Variants in PPM1B observed in about 807,000 individuals in gnomAD.
PPM1B encodes the protein protein phosphatase, Mg2+/Mn2+ dependent 1B.
Under a neutral mutation model 43.0 loss-of-function variants are expected in PPM1B, and 22 were observed. The ratio of observed to expected loss-of-function variants is 0.51; its 90% CI spans 0.37 to 0.73. The LOEUF (loss-of-function observed/expected upper bound fraction) is 0.73, where lower values mean the gene tolerates loss of function less well. Ranked by LOEUF, PPM1B falls within the 30% of genes least tolerant of loss-of-function variation. The pLI is 0.00. For synonymous variants in PPM1B, 217 were observed against 197.9 expected, an observed-to-expected ratio of 1.10 and a Z score of -0.81; for missense variants, 632 against 584.2, an observed-to-expected ratio of 1.08 and a Z score of -0.84.
At chr2:44,199,921 G>C (rs548245760) in intron 1 of PPM1B, among the ~76,000 whole-genome samples, 1 of 152,120 alleles carries the variant, frequency 6.6e-6, no homozygotes, top group African/African-American at 2.4e-5. Context: ...TTATTGTAAA[G>C]TTCAATAATG....
chr2:44,209,109 C>G, intron 2 of PPM1B, 101 bp from the exon 3 acceptor site: 2 of 1,070,740 alleles, frequency 1.9e-6, no homozygotes, highest in Admixed American at 3.1e-5. Context: ...CATAAACGTT[C>G]TGGATGATTA....
At chr2:44,196,777 T>A (rs1668681925) in intron 1 of PPM1B, among the ~76,000 whole-genome samples, 2 of 152,200 alleles carry the variant, frequency 1.3e-5, no homozygotes, top group African/African-American at 2.4e-5. Flanking sequence ...GTTTATCCAT[T>A]AAAAAAGAAA....
At chr2:44,233,881 A>C, downstream of PPM1B, 1 of 985,464 alleles carries the variant, frequency 1.0e-6, no homozygotes. Context: ...TTGTCCCTTT[A>C]CTGGGTTTGG....
At chr2:44,244,665 C>T (rs1485068483), downstream of PPM1B, among the ~76,000 whole-genome samples, 1 of 151,810 alleles carries the variant, frequency 6.6e-6, no homozygotes, top group Non-Finnish European at 1.5e-5. Context: ...ATTCCCAGAT[C>T]TCTTCTGAAA....
At chr2:44,191,744 C>T (rs746737101) in intron 1 of PPM1B, among the ~76,000 whole-genome samples, 5 of 152,094 alleles carry the variant, frequency 3.3e-5, no homozygotes, top group Admixed American at 6.6e-5. Flanking sequence ...AAATTATATG[C>T]ATTTTTATTC....
chr2:44,217,084 G>A (rs767759779), intron 3 of PPM1B, among the ~76,000 whole-genome samples: 3 of 151,664 alleles, frequency 2.0e-5, no homozygotes, highest in Admixed American at 6.6e-5. Flanking sequence ...GTCTTGTGAG[G>A]CATGGTAAAC....
chr2:44,218,028 G>A lies in PPM1B; in HGVS notation c.1026G>A (p.Leu342=). ...ATCTTGCCCATGTCATGCGCATCTT[G>A]TCTGCAGAAAATATCCCAAATTTGC... ...MPDLAHVMRI[L]SAENIPNLPP... The change falls in exon 4 of 6, where the codon TTG becomes TTA. Residue 342 remains leucine, a synonymous_variant. Transcript: ENST00000282412. 6.2e-7 allele frequency: 1 copy of A among 1,613,154 alleles called. No homozygotes were observed. Among genetic ancestry groups the A allele is most frequent in the Non-Finnish European group, 8.5e-7 (1 of 1,179,750 alleles).
intron 3 of PPM1B, among the ~76,000 whole-genome samples, chr2:44,216,683 T>C (rs555479108): frequency 6.6e-6 from 1 of 152,292 alleles, no homozygotes; most frequent in Admixed American, 6.5e-5. Flanking sequence ...ATCCCAGCAT[T>C]TTGAGAGGCT....
At chr2:44,208,040 C>T (rs1365132808) in intron 2 of PPM1B, among the ~76,000 whole-genome samples, 1 of 151,812 alleles carries the variant, frequency 6.6e-6, no homozygotes, top group African/African-American at 2.4e-5. Flanking sequence ...AGGTGCGCGC[C>T]ACCACGCCTG....
chr2:44,191,486 T>C (rs1047298995), intron 1 of PPM1B, among the ~76,000 whole-genome samples: 1 of 152,234 alleles, frequency 6.6e-6, no homozygotes, highest in Non-Finnish European at 1.5e-5. Flanking sequence ...AGTGCTGGGA[T>C]TACAGGCGTG....
intron 5 of PPM1B, among the ~76,000 whole-genome samples, chr2:44,226,452 T>G (rs1670213221): frequency 6.6e-6 from 1 of 152,186 alleles, no homozygotes. Context: ...TCCAACCTTA[T>G]TAATAAGTCC....
chr2:44,228,361 A>G (rs1338092869), intron 5 of PPM1B, among the ~76,000 whole-genome samples: 3 of 151,766 alleles, frequency 2.0e-5, no homozygotes, highest in Admixed American at 6.6e-5. Flanking sequence ...TTTTGTAGAG[A>G]TAGGGTCTCA....
chr2:44,176,414 C>T (rs531141166), intron 1 of PPM1B, among the ~76,000 whole-genome samples: 86 of 152,324 alleles, frequency 5.6e-4, no homozygotes, highest in East Asian at 1.9e-3. Flanking sequence ...CTTTTGTGCT[C>T]TTAGCAAAGA....
rs527514324 is a variant in PPM1B, at chr2:44,185,453, C to T, written c.-14-15733C>T. On this transcript the variant is annotated intron_variant, in intron 1 of 5. Transcript: ENST00000282412. Reference sequence around the variant, plus strand: ...GATTTTTTTTCTCAGATTAAATTTGCGACTAAAGCAAAATACCACTGTCAA... The same window carrying T: ...GATTTTTTTTCTCAGATTAAATTTGTGACTAAAGCAAAATACCACTGTCAA... Among the ~76,000 whole-genome samples, 133 of 152,136 alleles carry T rather than the reference C, an allele frequency of 8.7e-4. 1 individual carries two copies. The South Asian group carries it at 0.025, about 29-fold the overall frequency.
At chr2:44,246,468 A>G (rs1670855315), downstream of PPM1B, among the ~76,000 whole-genome samples, 1 of 152,174 alleles carries the variant, frequency 6.6e-6, no homozygotes, top group Non-Finnish European at 1.5e-5. Context: ...TAAACCTCCC[A>G]TACTGAATGA....
intron 1 of PPM1B, among the ~76,000 whole-genome samples, chr2:44,194,495 G>A (rs1311018484): frequency 6.6e-5 from 10 of 152,026 alleles, no homozygotes; most frequent in East Asian, 2.0e-4. Flanking sequence ...AGGCCGAGGC[G>A]GGCGGATCAC....
At chr2:44,216,436 G>A (rs1051438173) in intron 3 of PPM1B, among the ~76,000 whole-genome samples, 1 of 152,062 alleles carries the variant, frequency 6.6e-6, no homozygotes, top group African/African-American at 2.4e-5. Flanking sequence ...ACAGATTTAA[G>A]GTAGAAAACT....
intron 1 of PPM1B, among the ~76,000 whole-genome samples, chr2:44,174,992 C>A (rs148956999): frequency 6.6e-6 from 1 of 152,184 alleles, no homozygotes. Flanking sequence ...TGGTGGCTCA[C>A]GCCTATAATC....
chr2:44,177,473 T>C (rs1667635823), intron 1 of PPM1B, among the ~76,000 whole-genome samples: 2 of 146,358 alleles, frequency 1.4e-5, no homozygotes, highest in Admixed American at 1.4e-4. Flanking sequence ...GGCTGGAGTG[T>C]AGTGGCATGA....
Sources: gnomAD v4.1 joint callset for allele counts (sites outside exome capture counted in the v4.1 genomes callset) on GRCh38, gnomAD v4.1.1 for gene constraint, MANE v1.5 for transcripts, NCBI Gene and HGNC (gene_info 2026-07-23, HGNC 2026-07-21) for gene names.